PRR16: variants seen among roughly 807,000 people sequenced by gnomAD.
The protein encoded by PRR16 is protein Largen.
PRR16 carries 6 observed loss-of-function variants against 18.2 expected under a neutral mutation model. The ratio of observed to expected loss-of-function variants is 0.33; its 90% CI spans 0.18 to 0.65. The LOEUF (loss-of-function observed/expected upper bound fraction) is 0.65, where lower values mean the gene tolerates loss of function less well. PRR16 is among the 30% of genes least tolerant of loss of function. The pLI, the probability that PRR16 is intolerant of heterozygous loss-of-function variation, is 0.74. For missense variants in PRR16, 412 were observed against 376.6 expected (o/e 1.09, Z -0.78); for synonymous variants, 151 against 147.8 (o/e 1.02, Z -0.16).
chr5:120,579,890 T>C (rs926658332), intron 1 of PRR16, among the ~76,000 whole-genome samples: 11 of 152,232 alleles, frequency 7.2e-5, no homozygotes, highest in African/African-American at 2.7e-4. Context: ...CATTTGTTTG[T>C]GTCCTCTCTT....
chr5:120,789,776 G>A, the PRR16 span, among the ~76,000 whole-genome samples: 1 of 151,734 alleles, frequency 6.6e-6, no homozygotes, highest in East Asian at 1.9e-4. Context: ...CAATTTAAAT[G>A]GAATATTTAT....
chr5:120,520,003 C>G (rs1751121292), intron 1 of PRR16, among the ~76,000 whole-genome samples: 1 of 151,910 alleles, frequency 6.6e-6, no homozygotes, highest in South Asian at 2.1e-4. Flanking sequence ...TCTGAATCTT[C>G]TTTAGATACC....
At chr5:120,467,358 A>G (rs1448017812) in intron 1 of PRR16, among the ~76,000 whole-genome samples, 1 of 152,164 alleles carries the variant, frequency 6.6e-6, no homozygotes, top group Non-Finnish European at 1.5e-5. Flanking sequence ...ATAAAAAAGT[A>G]GTTATGACTA....
At chr5:120,716,975 A>G in the PRR16 span, among the ~76,000 whole-genome samples, 1 of 152,198 alleles carries the variant, frequency 6.6e-6, no homozygotes, top group African/African-American at 2.4e-5. Flanking sequence ...CATTTAGTCT[A>G]TACCAGGCAA....
At chr5:120,754,589 TATATA>T in the PRR16 span, among the ~76,000 whole-genome samples, 74 of 112,150 alleles carry the variant, frequency 6.6e-4, no homozygotes, top group African/African-American at 2.5e-3. Context: ...TTATATATTA[TATATA>T]ATATATATCG....
chr5:120,486,430 T>C (rs1215165608), intron 1 of PRR16, among the ~76,000 whole-genome samples: 1 of 151,164 alleles, frequency 6.6e-6, no homozygotes, highest in East Asian at 1.9e-4. Flanking sequence ...ATGGGTCTGT[T>C]GGCTGCATAA....
At chr5:120,675,698 C>G (rs1303519404) in intron 1 of PRR16, among the ~76,000 whole-genome samples, 1 of 152,048 alleles carries the variant, frequency 6.6e-6, no homozygotes, top group African/African-American at 2.4e-5. Flanking sequence ...CTCATTTAAA[C>G]TAGAAACTTA....
chr5:120,733,432 A>G, the PRR16 span, among the ~76,000 whole-genome samples: 1 of 152,186 alleles, frequency 6.6e-6, no homozygotes, highest in Non-Finnish European at 1.5e-5. Flanking sequence ...CTTTTGTTAT[A>G]AGGAATCTGG....
chr5:120,593,318 C>T (rs80121050), intron 1 of PRR16, among the ~76,000 whole-genome samples: 8,901 of 151,896 alleles, frequency 0.059, 339 homozygotes, highest in South Asian at 0.084. Flanking sequence ...GCAAAGGGAA[C>T]GTTACCGCTG....
At chr5:120,619,355 G>T (rs1376147480) in intron 1 of PRR16, among the ~76,000 whole-genome samples, 1 of 152,070 alleles carries the variant, frequency 6.6e-6, no homozygotes, top group Non-Finnish European at 1.5e-5. Context: ...TTATAAAGTT[G>T]ACTAGGAAAA....
intron 1 of PRR16, among the ~76,000 whole-genome samples, chr5:120,507,714 T>G (rs1750691724): frequency 6.6e-6 from 1 of 152,102 alleles, no homozygotes; most frequent in Non-Finnish European, 1.5e-5. Context: ...CAACAACTGC[T>G]AAGGAAAAGG....
chr5:120,780,407 TTTAA>T, the PRR16 span, among the ~76,000 whole-genome samples: 4 of 151,614 alleles, frequency 2.6e-5, no homozygotes, highest in East Asian at 1.9e-4. Context: ...TCTTAACTAA[TTTAA>T]TTGTTTATTT....
intron 1 of PRR16, among the ~76,000 whole-genome samples, chr5:120,671,814 A>G (rs556659470): frequency 1.2e-4 from 19 of 152,258 alleles, no homozygotes; most frequent in African/African-American, 4.3e-4. Context: ...GTGTGTGTAC[A>G]TATATATGTA....
chr5:120,775,903 CT>C, the PRR16 span, among the ~76,000 whole-genome samples: 1 of 149,522 alleles, frequency 6.7e-6, no homozygotes, highest in Non-Finnish European at 1.5e-5. Flanking sequence ...CCACCTTGGT[CT>C]CCCAAAGTGC....
intron 1 of PRR16, among the ~76,000 whole-genome samples, chr5:120,500,689 C>T (rs1222844770): frequency 6.6e-6 from 1 of 152,086 alleles, no homozygotes; most frequent in Admixed American, 6.5e-5. Flanking sequence ...ACATGGAAAA[C>T]TTATTCTTTT....
intron 1 of PRR16, among the ~76,000 whole-genome samples, chr5:120,585,405 T>A (rs1325453537): frequency 2.6e-5 from 4 of 151,846 alleles, no homozygotes; most frequent in Admixed American, 1.3e-4. Flanking sequence ...AGGTCAGGAG[T>A]TCGAGACCAA....
At chr5:120,708,768 T>G in the PRR16 span, among the ~76,000 whole-genome samples, 1 of 152,024 alleles carries the variant, frequency 6.6e-6, no homozygotes, top group African/African-American at 2.4e-5. Flanking sequence ...TTTTAAGAGT[T>G]TGTGGAAATT....
intron 1 of PRR16, among the ~76,000 whole-genome samples, chr5:120,469,835 G>A (rs960310123): frequency 3.9e-5 from 6 of 152,124 alleles, no homozygotes; most frequent in African/African-American, 1.4e-4. Context: ...TGAGAACATA[G>A]AGGTAGCCAA....
intron 1 of PRR16, among the ~76,000 whole-genome samples, chr5:120,468,812 G>A (rs534898244): frequency 6.6e-6 from 1 of 152,288 alleles, no homozygotes; most frequent in South Asian, 2.1e-4. Flanking sequence ...GTTTAGACTT[G>A]TTATAACCTT....
Sources: gnomAD v4.1 joint callset for allele counts (sites outside exome capture counted in the v4.1 genomes callset) on GRCh38, gnomAD v4.1.1 for gene constraint, MANE v1.5 for transcripts, NCBI Gene and HGNC (gene_info 2026-07-23, HGNC 2026-07-21) for gene names.